The following VPS37C variants were observed in gnomAD, a reference collection of about 807,000 sequenced individuals.
VPS37C encodes the protein vacuolar protein sorting-associated protein 37C.
In VPS37C, 9 loss-of-function variants were observed where a neutral mutation model predicts 16.1. The ratio of observed to expected loss-of-function variants is 0.56; its 90% CI spans 0.34 to 0.97. The LOEUF is 0.97. Among genes scored for constraint, VPS37C ranks in the 50% least tolerant of loss-of-function variants. VPS37C has a pLI of 0.02. For synonymous variants in VPS37C, 207 were observed against 206.4 expected, an observed-to-expected ratio of 1.00 and a Z score of -0.02; for missense variants, 479 against 472.7, an observed-to-expected ratio of 1.01 and a Z score of -0.12.
chr11:61,133,776 A>G (rs1861314116), intron 3 of VPS37C, among the ~76,000 whole-genome samples: 1 of 152,204 alleles, frequency 6.6e-6, no homozygotes, highest in Non-Finnish European at 1.5e-5. Flanking sequence ...TGCCAAGGGT[A>G]ACGGCAGCAG....
intron 2 of VPS37C, chr11:61,138,059 C>T (rs1364134219): frequency 6.6e-6 from 1 of 152,302 alleles, no homozygotes; most frequent in Non-Finnish European, 1.5e-5. Context: ...GCGTGTGTGT[C>T]TCTCCCTCAC....
At position 61,141,005 on chromosome 11, in the gene VPS37C, G is replaced by A. The variant is rs7115188; in HGVS notation, c.-6-2170C>T. On this transcript the variant is annotated intron_variant, in intron 1 of 4. Coordinates refer to ENST00000301765, the MANE Select transcript of VPS37C (RefSeq NM_017966.5). The stretch of plus-strand genomic sequence containing the variant: ...GTAGAAGGCTCATTTGTGGCCAGGA[G>A]GTCAAGACCAGCCTAGGCAATATAG... 6.5e-3 allele frequency among the ~76,000 whole-genome samples: 983 copies of A among 152,284 alleles called. 12 individuals are homozygous for A. The highest frequency in any genetic ancestry group is 0.023 in the African/African-American group (947 of 41,560).
chr11:61,139,877 G>A (rs1861444987), intron 1 of VPS37C, among the ~76,000 whole-genome samples: 2 of 151,800 alleles, frequency 1.3e-5, no homozygotes. Context: ...CCGATAGCTG[G>A]CACTATAGGT....
Position 61,131,693 on chromosome 11 carries a change from TG to T in VPS37C, c.*126del, listed in dbSNP as rs1204199515. The T allele has an allele frequency of 8.3e-7, 1 of 1,208,202 alleles. No homozygotes were observed. Among genetic ancestry groups the T allele is most frequent in the African/African-American group, 1.6e-5 (1 of 63,916 alleles). 74.8% of individuals were successfully genotyped at this position (1,208,202 alleles called of 1,614,324 possible). A position where few individuals can be genotyped will look rare whatever the true frequency, so the allele number is the denominator to read the frequency against. ...CAGTGCCTTGTCCCTCCAAGGCCTC[TG>T]GGTGCCGACGCAAGTCCACAGGGAG... is the stretch of plus-strand genomic sequence containing the variant. On this transcript the variant is annotated 3_prime_UTR_variant, in exon 5 of 5. Transcript: ENST00000301765.
intron 1 of VPS37C, 77 bp downstream of exon 1, chr11:61,161,314 G>C (rs997384935): frequency 5.9e-5 from 9 of 151,950 alleles, no homozygotes; most frequent in Non-Finnish European, 1.0e-4. Context: ...GGGAGCCACG[G>C]CCGGCGCCGC....
chr11:61,131,077 G>A lies in VPS37C; in HGVS notation c.*743C>T, dbSNP rs371864602. On this transcript the variant is annotated 3_prime_UTR_variant, in exon 5 of 5. Coordinates refer to ENST00000301765, the MANE Select transcript of VPS37C (RefSeq NM_017966.5). ...TGTGACCACAATCTCCAGGGCTAGA[G>A]CTGCCCGCTTCCCTCTGGCCAGAGG... 1 of 276,694 alleles carries A rather than the reference G, an allele frequency of 3.6e-6. No homozygotes were observed. Among genetic ancestry groups the A allele is most frequent in the South Asian group, 3.1e-5 (1 of 32,400 alleles). The allele number at this position is 276,694 out of a possible 1,614,324, so 17.1% of individuals were successfully genotyped here.
At chr11:61,148,484 T>C (rs1211467649) in intron 1 of VPS37C, among the ~76,000 whole-genome samples, 1 of 152,048 alleles carries the variant, frequency 6.6e-6, no homozygotes, top group African/African-American at 2.4e-5. Context: ...TGAGGAAATA[T>C]TTGCAGGCCT....
intron 1 of VPS37C, among the ~76,000 whole-genome samples, chr11:61,160,574 C>CT (rs1565198431): frequency 6.6e-6 from 1 of 152,194 alleles, no homozygotes; most frequent in Non-Finnish European, 1.5e-5. Context: ...GAGCTGAAGA[C>CT]TGACATTCCC....
chr11:61,152,808 C>A (rs1190536752), intron 1 of VPS37C, among the ~76,000 whole-genome samples: 1 of 152,212 alleles, frequency 6.6e-6, no homozygotes, highest in Non-Finnish European at 1.5e-5. Context: ...ACAGGCTTCT[C>A]CGCCTTTGCT....
At chr11:61,139,741 C>A (rs1398113289) in intron 1 of VPS37C, among the ~76,000 whole-genome samples, 1 of 77,832 alleles carries the variant, frequency 1.3e-5, no homozygotes, top group Non-Finnish European at 2.4e-5. Context: ...CATTCCATAG[C>A]TTTTTTTTTT....
chr11:61,145,506 A>G (rs2134644225), intron 1 of VPS37C: 1 of 152,652 alleles, frequency 6.6e-6, no homozygotes, highest in South Asian at 2.1e-4. Context: ...CCTGGAAATG[A>G]CAGGTCCCTT....
chr11:61,139,899 C>T (rs1400297002), intron 1 of VPS37C, among the ~76,000 whole-genome samples: 5 of 152,018 alleles, frequency 3.3e-5, no homozygotes, highest in Non-Finnish European at 5.9e-5. Context: ...TGCGTTACCA[C>T]CTCCAGCTAA....
intron 1 of VPS37C, among the ~76,000 whole-genome samples, chr11:61,160,185 G>C (rs200161487): frequency 6.6e-6 from 1 of 152,132 alleles, no homozygotes; most frequent in Non-Finnish European, 1.5e-5. Flanking sequence ...AAATTACAAA[G>C]GCACGGAACC....
In VPS37C at chr11:61,159,898, T is replaced by C. The variant is rs1211661477; in HGVS notation, c.-7+1493A>G. Among the ~76,000 whole-genome samples, 11 of 57,404 alleles carry C rather than the reference T, an allele frequency of 1.9e-4. No individual in the cohort carries two copies. In the South Asian group the frequency reaches 0.01, roughly 53 times the overall value. The allele number at this position is 57,404 out of a possible 152,430, so 37.7% of individuals were successfully genotyped here. Reference sequence around the variant, plus strand: ...GCCTGGGCGACAGATCAAGACTCCGTCTCAAAAAAAAAAAAAAAAAAAAAA... The same window carrying C: ...GCCTGGGCGACAGATCAAGACTCCGCCTCAAAAAAAAAAAAAAAAAAAAAA... On this transcript the variant is annotated intron_variant, in intron 1 of 4. Transcript: ENST00000301765.
At position 61,131,529 on chromosome 11, in the gene VPS37C, C is replaced by T. The variant is rs942705156; in HGVS notation, c.*291G>A. On this transcript the variant is annotated 3_prime_UTR_variant, in exon 5 of 5. Transcript: ENST00000301765. ...GTAGATGCTCATAAATGCGCACATG[C>T]GCTCACTCACACAGACACCGGCGAG... The T allele has an allele frequency of 2.8e-6, 1 of 356,224 alleles. No homozygotes were observed. Among genetic ancestry groups the T allele is most frequent in the Admixed American group, 4.8e-5 (1 of 21,028 alleles). 22.1% of individuals were successfully genotyped at this position (356,224 alleles called of 1,614,324 possible).
chr11:61,138,662 A>G (rs1861422178), intron 2 of VPS37C, 75 bp downstream of exon 2: 2 of 1,410,626 alleles, frequency 1.4e-6, no homozygotes, highest in Admixed American at 3.5e-5. Flanking sequence ...CCAATAAGCC[A>G]GCATCCTTAA....
chr11:61,154,128 T>C (rs1853345063), intron 1 of VPS37C, among the ~76,000 whole-genome samples: 1 of 152,164 alleles, frequency 6.6e-6, no homozygotes, highest in African/African-American at 2.4e-5. Context: ...CAGGAACATT[T>C]CTAGAAATAC....
chr11:61,144,315 G>A (rs1159772528), intron 1 of VPS37C: 1 of 152,154 alleles, frequency 6.6e-6, no homozygotes, highest in Non-Finnish European at 1.5e-5. Flanking sequence ...GGCTACCTGG[G>A]TCTGACTAGT....
intron 2 of VPS37C, among the ~76,000 whole-genome samples, chr11:61,136,845 T>C (rs1005194770): frequency 6.6e-6 from 1 of 152,170 alleles, no homozygotes; most frequent in Non-Finnish European, 1.5e-5. Flanking sequence ...AAAGTTGCTA[T>C]GTAAAATTTA....
Sources: allele counts gnomAD v4.1 joint callset (sites outside exome capture counted in the v4.1 genomes callset), GRCh38; gene constraint gnomAD v4.1.1; transcripts MANE v1.5; gene names NCBI Gene and HGNC (gene_info 2026-07-23, HGNC 2026-07-21).